Variants in ANK1 observed in about 807,000 individuals in gnomAD.
ANK1 encodes ankyrin-1.
Under a neutral mutation model 210.4 loss-of-function variants are expected in ANK1, and 51 were observed. The observed-to-expected ratio is 0.24, with a 90% CI of 0.19 to 0.31. The LOEUF (loss-of-function observed/expected upper bound fraction) is 0.31. Ranked by LOEUF, ANK1 falls within the 10% of genes least tolerant of loss-of-function variation. ANK1 has a pLI of 1.00. For synonymous variants in ANK1, 967 were observed against 1,025.9 expected, an observed-to-expected ratio of 0.94 and a Z score of 1.10; for missense variants, 2,051 against 2,504.4, an observed-to-expected ratio of 0.82 and a Z score of 3.86.
rs144501048 is a variant in ANK1 at position 41,833,361 on chromosome 8, G to A, written c.126+62994C>T. ...GGTGTCTGGGGGTGGTGAAACCCAC[G>A]GGTCTGTGCAATGTAGGGAAGGGGG... is the stretch of plus-strand genomic sequence containing the variant. On this transcript the variant is annotated intron_variant, in intron 1 of 42. Transcript: ENST00000265709. Among the ~76,000 whole-genome samples the A allele has an allele frequency of 8.5e-5, 13 of 152,318 alleles. No homozygotes were observed. In the East Asian group the frequency reaches 2.3e-3, roughly 27 times the overall value.
In ANK1 at chr8:41,782,324, G is replaced by A. The variant is rs571940968; in HGVS notation, c.27+15188C>T. ...CTGCAAAGGAGCCCACCGTGTTGGGGGAGGCTTTGCCTGGCATTTCTTGGG... is the reference window on the plus strand; with the variant it reads ...CTGCAAAGGAGCCCACCGTGTTGGGAGAGGCTTTGCCTGGCATTTCTTGGG... On this transcript the variant is annotated intron_variant, in intron 1 of 42. Coordinates refer to ENST00000289734, the MANE Select transcript of ANK1 (RefSeq NM_000037.4). Among the ~76,000 whole-genome samples, 8 of 152,318 alleles carry A rather than the reference G, an allele frequency of 5.3e-5. No individual in the cohort carries two copies. The East Asian group carries it at 1.3e-3, about 26-fold the overall frequency.
At chr8:41,832,368 C>T (rs1410917210) in intron 1 of ANK1, among the ~76,000 whole-genome samples, 1 of 152,108 alleles carries the variant, frequency 6.6e-6, no homozygotes, top group African/African-American at 2.4e-5. Context: ...CTTTGCAGCT[C>T]ACAGCCCAGC....
chr8:41,713,599 A>G (rs1427951280), intron 16 of ANK1, among the ~76,000 whole-genome samples: 1 of 152,250 alleles, frequency 6.6e-6, no homozygotes, highest in African/African-American at 2.4e-5. Flanking sequence ...TCTCAGAGAC[A>G]AATGAATTTG....
At chr8:41,685,401 G>A (rs1374807349) in intron 36 of ANK1, among the ~76,000 whole-genome samples, 1 of 152,210 alleles carries the variant, frequency 6.6e-6, no homozygotes, top group African/African-American at 2.4e-5. Flanking sequence ...TCCACTTAGT[G>A]TTTTTGAGTC....
At chr8:41,841,954 G>C (rs964880436) in intron 1 of ANK1, among the ~76,000 whole-genome samples, 1 of 152,234 alleles carries the variant, frequency 6.6e-6, no homozygotes, top group Non-Finnish European at 1.5e-5. Context: ...TGTTGCTCCT[G>C]TTGCTGGAGT....
At chr8:41,656,736 C>G (rs772720234) in intron 42 of ANK1, among the ~76,000 whole-genome samples, 5 of 152,110 alleles carry the variant, frequency 3.3e-5, no homozygotes, top group Non-Finnish European at 7.3e-5. Context: ...TGGAGCCATC[C>G]CCAGACATAG....
chr8:41,833,325 T>C (rs1252396160), intron 1 of ANK1, among the ~76,000 whole-genome samples: 1 of 152,138 alleles, frequency 6.6e-6, no homozygotes, highest in East Asian at 1.9e-4. Context: ...AAGTGCCCCG[T>C]GGTGATAGCA....
At chr8:41,726,019 GC>G in intron 5 of ANK1, 73 bp from the exon 6 acceptor site, 1 of 1,533,574 alleles carries the variant, frequency 6.5e-7, no homozygotes, top group East Asian at 2.4e-5. Context: ...ACACACCCTT[GC>G]CCCTCGGGCT....
At chr8:41,714,917 C>T in intron 15 of ANK1, 59 bp downstream of exon 15, 9 of 1,515,904 alleles carry the variant, frequency 5.9e-6, no homozygotes, top group Non-Finnish European at 8.3e-6. Context: ...TGCTGATGTC[C>T]ATCCTCTGTC....
intron 23 of ANK1, among the ~76,000 whole-genome samples, chr8:41,698,359 CA>C (rs1437398013): frequency 6.6e-6 from 1 of 152,204 alleles, no homozygotes; most frequent in African/African-American, 2.4e-5. Flanking sequence ...CTCTGGCTAA[CA>C]ATATATCTTT....
chr8:41,886,867 T>C (rs1818527292), intron 1 of ANK1, among the ~76,000 whole-genome samples: 2 of 152,182 alleles, frequency 1.3e-5, no homozygotes, highest in South Asian at 4.1e-4. Flanking sequence ...AGGATCTGAT[T>C]TGCATTTTTG....
chr8:41,704,228 T>C lies in ANK1; in HGVS notation c.2197-89A>G. The stretch of plus-strand genomic sequence containing the variant: ...TGATAGTGCCTGCCCATCTTCGAAG[T>C]GGGACATTAATGAAATGCATTTTCC... On this transcript the variant is annotated intron_variant, in intron 19 of 42. Transcript: ENST00000289734. The surrounding 1 kb of genome is among the most constrained non-coding windows in gnomAD (Gnocchi z 4.1). 7.2e-7 allele frequency: 1 copy of C among 1,386,078 alleles called. No homozygotes were observed. The highest frequency in any genetic ancestry group is 1.4e-5 in the African/African-American group (1 of 70,442). 85.9% of individuals were successfully genotyped at this position (1,386,078 alleles called of 1,614,324 possible).
chr8:41,762,125 C>G (rs533416593), intron 1 of ANK1, among the ~76,000 whole-genome samples: 28 of 152,326 alleles, frequency 1.8e-4, no homozygotes, highest in Non-Finnish European at 3.8e-4. Context: ...TCTCGCTGTC[C>G]CCACAGCGGC....
At chr8:41,802,364 AT>A (rs564982564), upstream of ANK1, among the ~76,000 whole-genome samples, 1 of 152,042 alleles carries the variant, frequency 6.6e-6, no homozygotes, top group African/African-American at 2.4e-5. Flanking sequence ...TTGAGTTCTG[AT>A]TTTTACTATG....
intron 20 of ANK1, 57 bp downstream of exon 20, chr8:41,703,984 A>G (rs1311307261): frequency 6.6e-7 from 1 of 1,519,574 alleles, no homozygotes; most frequent in Non-Finnish European, 9.1e-7. Flanking sequence ...GGGAGTTCAC[A>G]CAGGGCTGCT....
upstream of ANK1, among the ~76,000 whole-genome samples, chr8:41,802,090 A>G (rs1356933606): frequency 6.6e-6 from 1 of 152,174 alleles, no homozygotes; most frequent in Non-Finnish European, 1.5e-5. Context: ...CCCGGGTTCC[A>G]GCAATTCTCC....
intron 1 of ANK1, among the ~76,000 whole-genome samples, chr8:41,837,168 G>A (rs1263451071): frequency 6.6e-6 from 1 of 152,192 alleles, no homozygotes. Context: ...TTCTCACAGA[G>A]TAATTTTAAG....
chr8:41,717,525 A>T (rs771580162), intron 12 of ANK1, 79 bp downstream of exon 12: 3 of 1,276,918 alleles, frequency 2.3e-6, no homozygotes, highest in Non-Finnish European at 3.3e-6. Context: ...CCCAGAGAGT[A>T]GGACTGGGAG....
At chr8:41,857,840 G>A (rs528302737) in intron 1 of ANK1, among the ~76,000 whole-genome samples, 41 of 152,236 alleles carry the variant, frequency 2.7e-4, no homozygotes, top group Non-Finnish European at 4.1e-4. Flanking sequence ...CAAGGTGGAG[G>A]TTGCAGTGAG....
Sources: gnomAD v4.1 joint callset for allele counts (sites outside exome capture counted in the v4.1 genomes callset) on GRCh38, gnomAD v4.1.1 for gene constraint, Gnocchi (gnomAD v3.1) non-coding constraint, MANE v1.5 for transcripts, NCBI Gene and HGNC (gene_info 2026-07-23, HGNC 2026-07-21) for gene names.